The following ATXN1 variants were observed in gnomAD, a reference collection of about 807,000 sequenced individuals.
The protein encoded by ATXN1 is ataxin-1.
In ATXN1, 8 loss-of-function variants were observed where a neutral mutation model predicts 56.4. That is an observed-to-expected ratio of 0.14 (90% CI 0.08 to 0.26). The LOEUF (loss-of-function observed/expected upper bound fraction) is 0.26, where lower values mean the gene tolerates loss of function less well. Among genes scored for constraint, ATXN1 ranks in the 10% least tolerant of loss-of-function variants. The pLI, the probability that ATXN1 is intolerant of heterozygous loss-of-function variation, is 1.00. For missense variants in ATXN1, 987 were observed against 1,106.5 expected (o/e 0.89, Z 1.53); for synonymous variants, 514 against 494.6 (o/e 1.04, Z -0.52).
chr6:16,665,300 T>C (rs1047613153), intron 2 of ATXN1, among the ~76,000 whole-genome samples: 2 of 152,230 alleles, frequency 1.3e-5, no homozygotes, highest in Non-Finnish European at 2.9e-5. Flanking sequence ...GATGGATCTT[T>C]AGCTATGCAT....
intron 5 of ATXN1, among the ~76,000 whole-genome samples, chr6:16,507,800 C>T (rs1761008389): frequency 6.6e-6 from 1 of 151,972 alleles, no homozygotes; most frequent in Non-Finnish European, 1.5e-5. Context: ...TGGAAGAAAA[C>T]AAATTTGACT....
chr6:16,661,091 C>T (rs1409798430), intron 2 of ATXN1, among the ~76,000 whole-genome samples: 1 of 151,820 alleles, frequency 6.6e-6, no homozygotes, highest in Non-Finnish European at 1.5e-5. Flanking sequence ...CCCGCTTTGA[C>T]CTCCCAAAGT....
At chr6:16,619,081 A>G (rs1763272055) in intron 3 of ATXN1, among the ~76,000 whole-genome samples, 1 of 152,184 alleles carries the variant, frequency 6.6e-6, no homozygotes, top group African/African-American at 2.4e-5. Flanking sequence ...AATTAAAACA[A>G]GATATAATTT....
intron 2 of ATXN1, among the ~76,000 whole-genome samples, chr6:16,745,202 C>A (rs1013528194): frequency 2.0e-5 from 3 of 152,098 alleles, no homozygotes; most frequent in African/African-American, 7.2e-5. Context: ...TTGGTACAGC[C>A]TTTTAGAAAG....
intron 3 of ATXN1, among the ~76,000 whole-genome samples, chr6:16,628,986 A>T (rs545808618): frequency 6.6e-6 from 1 of 152,352 alleles, no homozygotes; most frequent in East Asian, 1.9e-4. Flanking sequence ...GTAGATACCC[A>T]GTAATGGGAT....
intron 4 of ATXN1, among the ~76,000 whole-genome samples, chr6:16,568,937 A>T (rs1035908572): frequency 6.6e-6 from 1 of 152,176 alleles, no homozygotes; most frequent in Admixed American, 6.5e-5. Context: ...AGAATGAACC[A>T]TCTGGGAGGA....
At chr6:16,417,870 C>T (rs1758946774) in intron 6 of ATXN1, among the ~76,000 whole-genome samples, 1 of 152,066 alleles carries the variant, frequency 6.6e-6, no homozygotes, top group African/African-American at 2.4e-5. Context: ...AATATAAAGG[C>T]AGTTTTCTAC....
intron 4 of ATXN1, among the ~76,000 whole-genome samples, chr6:16,563,002 T>C (rs1762150535): frequency 6.6e-6 from 1 of 151,702 alleles, no homozygotes; most frequent in Non-Finnish European, 1.5e-5. Context: ...CGAGGGGTCT[T>C]GGAGCCTTGC....
At chr6:16,356,205 C>T (rs1227463380) in intron 6 of ATXN1, among the ~76,000 whole-genome samples, 2 of 152,194 alleles carry the variant, frequency 1.3e-5, no homozygotes, top group East Asian at 3.8e-4. Flanking sequence ...ACATTTCCTG[C>T]CCACGGCACT....
In ATXN1 at chr6:16,566,718, T is replaced by G. The variant is rs554053828; in HGVS notation, c.-361+19062A>C. Among the ~76,000 whole-genome samples the G allele has an allele frequency of 7.3e-4, 111 of 151,732 alleles. 1 individual carries two copies. The highest frequency in any genetic ancestry group is 2.7e-3 in the African/African-American group (110 of 41,376). On this transcript the variant is annotated intron_variant, in intron 4 of 7. Coordinates refer to ENST00000436367, the MANE Select transcript of ATXN1 (RefSeq NM_001128164.2). ...AATACAAAAAAAAATTAGCCGGGCA[T>G]GGTGGTGGGTTCCTGTAATCTCAGC...
intron 6 of ATXN1, among the ~76,000 whole-genome samples, chr6:16,371,001 A>C (rs1253230892): frequency 1.3e-5 from 2 of 152,224 alleles, no homozygotes; most frequent in Non-Finnish European, 2.9e-5. Flanking sequence ...GTGGTGGCTA[A>C]GATGGAGTCC....
At chr6:16,576,331 A>AGGAATAAT (rs1762421950) in intron 4 of ATXN1, among the ~76,000 whole-genome samples, 1 of 152,346 alleles carries the variant, frequency 6.6e-6, no homozygotes, top group East Asian at 1.9e-4. Flanking sequence ...AAATGTCCTC[A>AGGAATAAT]GGAATAATAA....
At chr6:16,411,997 C>G (rs1438305935) in intron 6 of ATXN1, among the ~76,000 whole-genome samples, 3 of 152,132 alleles carry the variant, frequency 2.0e-5, no homozygotes, top group Non-Finnish European at 4.4e-5. Context: ...GGAAGACACC[C>G]AATAAATATT....
chr6:16,641,158 A>G (rs1763699788), intron 3 of ATXN1, among the ~76,000 whole-genome samples: 1 of 152,228 alleles, frequency 6.6e-6, no homozygotes, highest in Non-Finnish European at 1.5e-5. Context: ...CGTGAGATTT[A>G]AGGAAAGAAA....
Position 16,302,407 on chromosome 6 carries a change from T to G in ATXN1, c.*3922A>C, listed in dbSNP as rs1760129983. The G allele has an allele frequency of 6.6e-6, 1 of 152,636 alleles. No individual in the cohort carries two copies. The highest frequency in any genetic ancestry group is 2.4e-5 in the African/African-American group (1 of 41,448). The allele number at this position is 152,636 out of a possible 1,614,324, so 9.5% of individuals were successfully genotyped here. A position where few individuals can be genotyped will look rare whatever the true frequency, so the allele number is the denominator to read the frequency against. ...GAAATCAAATCATCCCAAACTAAAC[T>G]GGGTGAGTTAGGGAAAACGAAAAGT... On this transcript the variant is annotated 3_prime_UTR_variant, in exon 8 of 8. Transcript: ENST00000436367.
intron 3 of ATXN1, among the ~76,000 whole-genome samples, chr6:16,601,165 G>A (rs1762904475): frequency 6.6e-6 from 1 of 152,214 alleles, no homozygotes; most frequent in South Asian, 2.1e-4. Flanking sequence ...TATTTCATAG[G>A]TAACTTTAGA....
At chr6:16,529,601 T>TG (rs1300142027) in intron 4 of ATXN1, among the ~76,000 whole-genome samples, 2 of 152,204 alleles carry the variant, frequency 1.3e-5, no homozygotes, top group East Asian at 3.8e-4. Context: ...CTGGCCTTGC[T>TG]GGGGGCCATT....
At chr6:16,742,581 A>G (rs1320878417) in intron 2 of ATXN1, among the ~76,000 whole-genome samples, 1 of 152,136 alleles carries the variant, frequency 6.6e-6, no homozygotes, top group African/African-American at 2.4e-5. Context: ...ACAGGTTCTG[A>G]CATATGGTCC....
At chr6:16,452,343 A>C in intron 6 of ATXN1, among the ~76,000 whole-genome samples, 1 of 152,256 alleles carries the variant, frequency 6.6e-6, no homozygotes, top group East Asian at 1.9e-4. Flanking sequence ...TTCAGAATTC[A>C]TAACTAGTAA....
Sources: allele counts gnomAD v4.1 joint callset (sites outside exome capture counted in the v4.1 genomes callset), GRCh38; gene constraint gnomAD v4.1.1; transcripts MANE v1.5; gene names NCBI Gene and HGNC (gene_info 2026-07-23, HGNC 2026-07-21).